C12orf42: variants seen among roughly 807,000 people sequenced by gnomAD.
The protein encoded by C12orf42 is uncharacterized protein C12orf42.
Under a neutral mutation model 21.6 loss-of-function variants are expected in C12orf42, and 25 were observed. The observed-to-expected ratio is 1.16, with a 90% CI of 0.84 to 1.62. C12orf42 has a LOEUF of 1.62. C12orf42 is among the 40% of genes most tolerant of loss of function. C12orf42 has a pLI of 0.00. For missense variants in C12orf42, 483 were observed against 459.3 expected (o/e 1.05, Z -0.47); for synonymous variants, 174 against 175.0 (o/e 0.99, Z 0.05).
At chr12:103,374,064 G>A (rs889760076) in intron 3 of C12orf42, among the ~76,000 whole-genome samples, 2 of 152,178 alleles carry the variant, frequency 1.3e-5, no homozygotes, top group Non-Finnish European at 2.9e-5. Flanking sequence ...CAATGCTGAT[G>A]GCAATCTGGG....
At chr12:103,061,668 C>A in the C12orf42 span, among the ~76,000 whole-genome samples, 3 of 151,716 alleles carry the variant, frequency 2.0e-5, no homozygotes, top group South Asian at 2.1e-4. Flanking sequence ...TAAAGTATTT[C>A]TTTGATATTG....
downstream of C12orf42, among the ~76,000 whole-genome samples, chr12:103,233,645 A>G (rs2033375194): frequency 6.6e-6 from 1 of 152,232 alleles, no homozygotes; most frequent in South Asian, 2.1e-4. Flanking sequence ...TGTTCAAAAA[A>G]GTGATTGACT....
the C12orf42 span, among the ~76,000 whole-genome samples, chr12:103,203,465 T>C: frequency 1.3e-5 from 2 of 152,324 alleles, no homozygotes; most frequent in East Asian, 1.9e-4. Flanking sequence ...CTATCAAAAC[T>C]TGGAGACTTG....
the C12orf42 span, among the ~76,000 whole-genome samples, chr12:103,217,926 C>A: frequency 6.6e-6 from 1 of 152,142 alleles, no homozygotes; most frequent in Admixed American, 6.6e-5. Flanking sequence ...AATCCTGACA[C>A]ATTTCTTGTC....
At chr12:103,495,467 G>A (rs1003819669) in intron 1 of C12orf42, among the ~76,000 whole-genome samples, 8 of 151,662 alleles carry the variant, frequency 5.3e-5, no homozygotes, top group Non-Finnish European at 8.9e-5. Context: ...TGCGGGCGGC[G>A]GCGAGCCGGC....
intron 1 of C12orf42, among the ~76,000 whole-genome samples, chr12:103,486,250 G>T (rs1267614471): frequency 6.6e-6 from 1 of 152,076 alleles, no homozygotes; most frequent in Non-Finnish European, 1.5e-5. Flanking sequence ...TTTGTCATTG[G>T]TTCTGTTTAT....
chr12:103,067,109 A>G, the C12orf42 span, among the ~76,000 whole-genome samples: 1 of 152,226 alleles, frequency 6.6e-6, no homozygotes, highest in Non-Finnish European at 1.5e-5. Flanking sequence ...CGGAGTAATC[A>G]GCCAGCTACC....
intron 1 of C12orf42, among the ~76,000 whole-genome samples, chr12:103,489,550 C>T (rs1955055079): frequency 1.3e-5 from 2 of 152,192 alleles, no homozygotes. Flanking sequence ...CTATGCCCTG[C>T]CCAAAGAAGT....
At chr12:103,524,963 G>T in the C12orf42 span, among the ~76,000 whole-genome samples, 7,861 of 108,048 alleles carry the variant, frequency 0.073, 633 homozygotes, top group African/African-American at 0.22. Flanking sequence ...TAGTTTTTTT[G>T]GGGGGGGGGC....
At chr12:103,543,068 A>G in the C12orf42 span, among the ~76,000 whole-genome samples, 1 of 152,214 alleles carries the variant, frequency 6.6e-6, no homozygotes, top group Non-Finnish European at 1.5e-5. Flanking sequence ...AAGGATGAGG[A>G]GGTTGTAAAA....
intron 4 of C12orf42, among the ~76,000 whole-genome samples, chr12:103,296,014 TC>T (rs1405756386): frequency 1.1e-5 from 1 of 92,786 alleles, no homozygotes; most frequent in Non-Finnish European, 2.0e-5. Flanking sequence ...CCCTCCCCAC[TC>T]CCCCCACCCC....
At chr12:103,152,291 G>A in the C12orf42 span, among the ~76,000 whole-genome samples, 1 of 152,148 alleles carries the variant, frequency 6.6e-6, no homozygotes, top group African/African-American at 2.4e-5. Flanking sequence ...GTGAGATAAT[G>A]ACTTTGTATT....
At chr12:103,207,029 G>A in the C12orf42 span, among the ~76,000 whole-genome samples, 4 of 152,158 alleles carry the variant, frequency 2.6e-5, no homozygotes, top group Non-Finnish European at 4.4e-5. Flanking sequence ...CCCCAAGGAT[G>A]AAAAGGTAGC....
intron 4 of C12orf42, among the ~76,000 whole-genome samples, chr12:103,341,239 C>A (rs1025083187): frequency 2.0e-5 from 3 of 151,736 alleles, no homozygotes; most frequent in African/African-American, 7.3e-5. Flanking sequence ...CTGTAAGTCC[C>A]AGCTACTCAG....
intron 2 of C12orf42, among the ~76,000 whole-genome samples, chr12:103,454,552 T>C (rs563762835): frequency 6.6e-6 from 1 of 152,142 alleles, no homozygotes; most frequent in Non-Finnish European, 1.5e-5. Flanking sequence ...CCTTATCTAC[T>C]TTTTCCTCAG....
chr12:103,056,555 C>T, the C12orf42 span, among the ~76,000 whole-genome samples: 1 of 152,094 alleles, frequency 6.6e-6, no homozygotes, highest in Non-Finnish European at 1.5e-5. Flanking sequence ...TTTTTCCTCT[C>T]CTTCCATGAC....
the C12orf42 span, among the ~76,000 whole-genome samples, chr12:103,148,785 C>G: frequency 1.2e-4 from 18 of 152,130 alleles, no homozygotes; most frequent in African/African-American, 4.1e-4. Flanking sequence ...ATTACCTACT[C>G]TGGTGAATTA....
intron 1 of C12orf42, among the ~76,000 whole-genome samples, chr12:103,484,662 A>T (rs1023293410): frequency 6.6e-6 from 1 of 152,054 alleles, no homozygotes; most frequent in African/African-American, 2.4e-5. Flanking sequence ...CTTTAGTTTA[A>T]TTAGATCCAA....
At chr12:103,431,368 G>C (rs1387101925) in intron 2 of C12orf42, 1 of 152,144 alleles carries the variant, frequency 6.6e-6, no homozygotes, top group Non-Finnish European at 1.5e-5. Flanking sequence ...TTTCCGCAAA[G>C]CCACATGAAT....
Sources: allele counts gnomAD v4.1 joint callset (sites outside exome capture counted in the v4.1 genomes callset), GRCh38; gene constraint gnomAD v4.1.1; transcripts MANE v1.5; gene names NCBI Gene and HGNC (gene_info 2026-07-23, HGNC 2026-07-21).